FLYWCH1: variants seen among roughly 807,000 people sequenced by gnomAD.
FLYWCH1 encodes FLYWCH-type zinc finger 1, also known as FLYWCH-type zinc finger-containing protein 1.
A neutral mutation model predicts 66.4 loss-of-function variants in FLYWCH1; 75 were observed. That is an observed-to-expected ratio of 1.13 (90% CI 0.94 to 1.37). The LOEUF is 1.37. Ranked by LOEUF, FLYWCH1 falls within the 40% of genes most tolerant of loss-of-function variation. The probability of loss-of-function intolerance (pLI) is 0.00; values close to 1 mark genes in which losing one functional copy is unlikely to be tolerated. For synonymous variants in FLYWCH1, 595 were observed against 429.9 expected, an observed-to-expected ratio of 1.38 and a Z score of -4.75; for missense variants, 1,334 against 1,001.8, an observed-to-expected ratio of 1.33 and a Z score of -4.48.
At chr16:2,940,830 TG>T in intron 9 of FLYWCH1, among the ~76,000 whole-genome samples, 1 of 28,166 alleles carries the variant, frequency 3.6e-5, no homozygotes, top group South Asian at 1.0e-3. Flanking sequence ...GGCTCATACC[TG>T]TAATTCCAGC....
At position 2,929,858 on chromosome 16, in the gene FLYWCH1, A is replaced by C. The variant is rs538035178; in HGVS notation, c.173A>C (p.Lys58Thr). 5.1e-5 allele frequency: 82 copies of C among 1,613,814 alleles called. No individual in the cohort carries two copies. The South Asian group carries it at 8.9e-4, about 18-fold the overall frequency. The change falls in exon 3 of 10, where the codon AAG (lysine) becomes ACG (threonine). Residue 58 changes from lysine to threonine, a missense_variant. By Grantham distance (78) the Lys-to-Thr change is moderately conservative. Coordinates refer to ENST00000253928, the MANE Select transcript of FLYWCH1 (RefSeq NM_001308068.2). ...SDQDEDGVGS[K>T]PQEVHCVLSL... Reference sequence around the variant, plus strand: ...CAAGATGAGGATGGGGTGGGATCCAAGCCCCAGGAAGTGCACTGCGTCCTG... The same window carrying C: ...CAAGATGAGGATGGGGTGGGATCCACGCCCCAGGAAGTGCACTGCGTCCTG...
chr16:2,925,824 G>C (rs1355523295), intron 2 of FLYWCH1, among the ~76,000 whole-genome samples: 1 of 152,140 alleles, frequency 6.6e-6, no homozygotes, highest in African/African-American at 2.4e-5. Context: ...TTAAGGAGCC[G>C]CTCCCCTCTG....
At chr16:2,920,678 A>T in intron 2 of FLYWCH1, among the ~76,000 whole-genome samples, 1 of 150,640 alleles carries the variant, frequency 6.6e-6, no homozygotes, top group East Asian at 2.0e-4. Flanking sequence ...AGTAGCTGGG[A>T]TTGCAGGCAT....
intron 9 of FLYWCH1, among the ~76,000 whole-genome samples, chr16:2,941,565 G>C (rs1471606979): frequency 6.6e-6 from 1 of 150,606 alleles, no homozygotes; most frequent in Admixed American, 6.6e-5. Context: ...GGGAGACAGA[G>C]CAAGATCCCA....
Position 2,933,718 on chromosome 16 carries a change from G to A in FLYWCH1, c.1252G>A (p.Gly418Ser). The stretch of plus-strand genomic sequence containing the variant: ...GACTGCCTCTTGAACCTCCCCAGGA[G>A]GCCCTGAGTTCCTGAAGACGCCCCT... ...EHQDMDADPG[G>S]PEFLKTPLGG... Residue 418 changes from glycine to serine, a missense_variant and splice_region_variant, in exon 6 of 10, where the codon GGC (glycine) becomes AGC (serine). Transcript: ENST00000253928. 1.2e-6 allele frequency: 2 copies of A among 1,612,006 alleles called. No individual in the cohort carries two copies. The highest frequency in any genetic ancestry group is 1.3e-5 in the African/African-American group (1 of 74,966).
At chr16:2,937,057 G>A in intron 6 of FLYWCH1, 64 bp from the exon 7 acceptor site, 5 of 1,247,868 alleles carry the variant, frequency 4.0e-6, no homozygotes, top group Non-Finnish European at 5.2e-6. Flanking sequence ...CTCATCTCGG[G>A]GCCATGCTGA....
intron 9 of FLYWCH1, among the ~76,000 whole-genome samples, chr16:2,945,064 C>T (rs1229222486): frequency 6.6e-6 from 1 of 150,880 alleles, no homozygotes; most frequent in African/African-American, 2.4e-5. Context: ...AAATTCAAAT[C>T]CTTGGCCGGG....
At chr16:2,938,550 G>A in intron 8 of FLYWCH1, 94 bp downstream of exon 8, 1 of 1,210,712 alleles carries the variant, frequency 8.3e-7, no homozygotes, top group South Asian at 1.9e-5. Context: ...CCACTGAGCA[G>A]ACTGCTTTTG....
chr16:2,930,552 G>C lies in FLYWCH1; in HGVS notation c.468G>C (p.Arg156=). 1 of 1,550,976 alleles carries C rather than the reference G, an allele frequency of 6.4e-7. No individual in the cohort carries two copies. The highest frequency in any genetic ancestry group is 8.7e-7 in the Non-Finnish European group (1 of 1,151,790). ...GCCAACATGCTGAGCTGGGCTGCCG[G>C]GGCCGGGCCATCACCCGAGGCCTGC... ...KCRQHAELGC[R]GRAITRGLRA... Residue 156 remains arginine (R), a synonymous_variant, in exon 4 of 10, where the codon CGG becomes CGC. Transcript: ENST00000253928.
intron 9 of FLYWCH1, among the ~76,000 whole-genome samples, chr16:2,944,779 G>A (rs1044644046): frequency 5.3e-5 from 8 of 151,236 alleles, no homozygotes; most frequent in South Asian, 2.1e-4. Flanking sequence ...CTGAGATGGT[G>A]CCACTGCCCT....
intron 9 of FLYWCH1, among the ~76,000 whole-genome samples, chr16:2,947,677 G>A (rs1366328542): frequency 2.0e-5 from 3 of 151,172 alleles, no homozygotes; most frequent in Non-Finnish European, 2.9e-5. Context: ...CAGGAGAATC[G>A]CTTGAACCTG....
At chr16:2,943,588 A>T (rs1368780377) in intron 9 of FLYWCH1, 1 of 151,848 alleles carries the variant, frequency 6.6e-6, no homozygotes, top group South Asian at 2.1e-4. Flanking sequence ...AAAACATTCA[A>T]CAAACTAGGA....
intron 6 of FLYWCH1, among the ~76,000 whole-genome samples, chr16:2,934,426 T>C (rs547193788): frequency 1.3e-5 from 2 of 152,344 alleles, no homozygotes; most frequent in African/African-American, 4.8e-5. Flanking sequence ...TAGACACCCA[T>C]AATGTCCTGA....
chr16:2,924,071 C>G (rs1042163012), intron 2 of FLYWCH1, among the ~76,000 whole-genome samples: 1 of 152,056 alleles, frequency 6.6e-6, no homozygotes, highest in African/African-American at 2.4e-5. Context: ...TGACTCACGC[C>G]GGTAATCCCA....
intron 9 of FLYWCH1, among the ~76,000 whole-genome samples, chr16:2,940,883 C>T (rs2071233907): frequency 2.5e-5 from 1 of 39,230 alleles, no homozygotes; most frequent in Non-Finnish European, 4.6e-5. Flanking sequence ...GTAATTCCAG[C>T]ACTTTGGGAG....
rs563526861 is a variant in FLYWCH1 at position 2,933,785 on chromosome 16, G to A, written c.1319G>A (p.Arg440Gln). The A allele has an allele frequency of 5.0e-5, 80 of 1,611,230 alleles. No homozygotes were observed. The East Asian group carries it at 1.4e-3, about 28-fold the overall frequency. ...GTGTACGAGTCCTTCCTCTACCGGC[G>A]GGAGAAGGCGGCTGGGGAGAAGGTG... Reference protein sequence around the residue: ...FLVYESFLYRREKAAGEKVYW... With the variant: ...FLVYESFLYRQEKAAGEKVYW... Residue 440 changes from arginine (R) to glutamine (Q), a missense_variant, in exon 6 of 10, where the codon CGG (arginine) becomes CAG (glutamine). Coordinates refer to ENST00000253928, the MANE Select transcript of FLYWCH1 (RefSeq NM_001308068.2).
chr16:2,928,130 C>G (rs557203647), intron 2 of FLYWCH1, among the ~76,000 whole-genome samples: 1 of 152,344 alleles, frequency 6.6e-6, no homozygotes, highest in African/African-American at 2.4e-5. Context: ...AGTATTGCTG[C>G]CAGCGTATCT....
intron 2 of FLYWCH1, among the ~76,000 whole-genome samples, chr16:2,919,141 G>A (rs961995339): frequency 4.6e-5 from 7 of 151,592 alleles, no homozygotes; most frequent in African/African-American, 1.5e-4. Flanking sequence ...AGGTGGTCTC[G>A]ATCTCCTGAC....
chr16:2,934,099 T>A, intron 6 of FLYWCH1, 120 bp downstream of exon 6: 1 of 1,225,522 alleles, frequency 8.2e-7, no homozygotes, highest in Non-Finnish European at 1.1e-6. Flanking sequence ...TTGAACATCC[T>A]AGAAGGAACT....
Sources: gnomAD v4.1 joint callset for allele counts (sites outside exome capture counted in the v4.1 genomes callset) on GRCh38, gnomAD v4.1.1 for gene constraint, MANE v1.5 for transcripts, NCBI Gene and HGNC (gene_info 2026-07-23, HGNC 2026-07-21) for gene names.